The following TDRD1 variants were observed in gnomAD, a reference collection of about 807,000 sequenced individuals.
TDRD1 encodes tudor domain-containing protein 1.
In TDRD1, 37 loss-of-function variants were observed where a neutral mutation model predicts 140.6. That is an observed-to-expected ratio of 0.26 (90% confidence interval 0.20 to 0.35). TDRD1 has a LOEUF of 0.35. TDRD1 is among the 10% of genes least tolerant of loss of function. The pLI is 1.00. For missense variants in TDRD1, 1,243 were observed against 1,393.0 expected (o/e 0.89, Z 1.71); for synonymous variants, 506 against 475.7 (o/e 1.06, Z -0.83).
At chr10:114,212,003 T>A (rs1376714099) in exon 14 of TDRD1, 2 of 1,611,388 alleles carry the variant, frequency 1.2e-6, no homozygotes, top group Admixed American at 3.4e-5. Flanking sequence ...GTTGTTGGAA[T>A]TGCCAATGCA....
At chr10:114,210,241 C>T (rs2035394210) in intron 11 of TDRD1, among the ~76,000 whole-genome samples, 1 of 152,168 alleles carries the variant, frequency 6.6e-6, no homozygotes, top group Admixed American at 6.5e-5. Context: ...TGTGTTTCTA[C>T]TTGAGTATAA....
chr10:114,220,839 T>C (rs773409921), exon 19 of TDRD1: 1 of 1,603,498 alleles, frequency 6.2e-7, no homozygotes, highest in Non-Finnish European at 8.5e-7. Flanking sequence ...TACAGGGACT[T>C]CAAGGTAACA....
chr10:114,204,739 A>G (rs371846463), exon 10 of TDRD1: 76 of 1,591,166 alleles, frequency 4.8e-5, no homozygotes, highest in Non-Finnish European at 6.1e-5. Context: ...AGTGCTTTGT[A>G]GCCAATGTTA....
chr10:114,197,542 A>T (rs1428413114), intron 3 of TDRD1, among the ~76,000 whole-genome samples: 1 of 148,554 alleles, frequency 6.7e-6, no homozygotes, highest in African/African-American at 2.5e-5. Context: ...TGTCATCTTG[A>T]TGTTGGGCGC....
chr10:114,229,817 A>ATT (rs200409289), intron 25 of TDRD1, among the ~76,000 whole-genome samples: 281 of 126,226 alleles, frequency 2.2e-3, no homozygotes, highest in Middle Eastern at 9.4e-3. Context: ...ATATATATAT[A>ATT]TTTTTTTTTT....
intron 14 of TDRD1, 50 bp from the exon 15 acceptor site, chr10:114,213,296 T>G: frequency 6.4e-7 from 1 of 1,560,830 alleles, no homozygotes. Flanking sequence ...GAGCTAAATT[T>G]CTAAATGCTT....
chr10:114,231,615 C>T, exon 26 of TDRD1: 1 of 979,530 alleles, frequency 1.0e-6, no homozygotes, highest in South Asian at 1.8e-5. Context: ...TCTGTAATGA[C>T]CTTCTATCCC....
rs145938577 is a variant in TDRD1 at position 114,207,152 on chromosome 10, T to C, written c.1384+822T>C. On this transcript the variant is annotated intron_variant, in intron 11 of 25. Transcript: ENST00000251864. ...AATCACCTGTGTTTGTATTATCTTT[T>C]TGATCCTTTACTTTGCTCCTGTACT... is the stretch of plus-strand genomic sequence containing the variant. Among the ~76,000 whole-genome samples, 551 of 152,358 alleles carry C rather than the reference T, an allele frequency of 3.6e-3. 6 individuals carry two copies. The highest frequency in any genetic ancestry group is 0.012 in the African/African-American group (513 of 41,584).
rs765281230 is a variant in TDRD1 at position 114,221,348 on chromosome 10, T to C, written c.2771-9T>C. ...TTCCGTGTGAGACCTGTGTTTTGTA[T>C]GTTTCCAGCTACCTCTTCAGCTGAG... On this transcript the variant is annotated splice_polypyrimidine_tract_variant and intron_variant, in intron 19 of 25. Coordinates refer to ENST00000251864, the Ensembl canonical transcript of TDRD1. The C allele has an allele frequency of 3.7e-6, 6 of 1,612,548 alleles. No individual in the cohort carries two copies. In the East Asian group the frequency reaches 6.7e-5, roughly 18 times the overall value.
At chr10:114,207,349 T>C (rs1339478614) in intron 11 of TDRD1, among the ~76,000 whole-genome samples, 1 of 152,228 alleles carries the variant, frequency 6.6e-6, no homozygotes, top group Non-Finnish European at 1.5e-5. Flanking sequence ...GCCAAGTCTT[T>C]ATTGATTCTT....
intron 3 of TDRD1, among the ~76,000 whole-genome samples, chr10:114,196,764 C>T (rs2034379488): frequency 1.4e-5 from 2 of 145,634 alleles, no homozygotes; most frequent in Non-Finnish European, 3.0e-5. Flanking sequence ...TCAGTTTACT[C>T]TGGGGCTCAC....
chr10:114,189,104 T>TC (rs1756381623), intron 2 of TDRD1, among the ~76,000 whole-genome samples: 1 of 152,220 alleles, frequency 6.6e-6, no homozygotes, highest in Non-Finnish European at 1.5e-5. Context: ...TTAGCTCAGC[T>TC]TAAGGCAGGA....
At chr10:114,229,102 A>AAAC (rs2036606523) in intron 25 of TDRD1, among the ~76,000 whole-genome samples, 1 of 332 alleles carries the variant, frequency 3.0e-3, no homozygotes, top group Non-Finnish European at 9.6e-3. Flanking sequence ...AAAACAAAAC[A>AAAC]AAAAAAAAAA....
intron 2 of TDRD1, among the ~76,000 whole-genome samples, chr10:114,188,585 G>A (rs975752242): frequency 6.6e-6 from 1 of 152,142 alleles, no homozygotes; most frequent in African/African-American, 2.4e-5. Context: ...TTGGCTGGGT[G>A]AGGTGGCTCA....
At chr10:114,188,793 G>C (rs1308805705) in intron 2 of TDRD1, among the ~76,000 whole-genome samples, 1 of 151,096 alleles carries the variant, frequency 6.6e-6, no homozygotes, top group Non-Finnish European at 1.5e-5. Flanking sequence ...GGAGGCAGAG[G>C]TTGCGGTGAG....
exon 22 of TDRD1, chr10:114,226,110 C>G: frequency 6.2e-7 from 1 of 1,613,774 alleles, no homozygotes; most frequent in Non-Finnish European, 8.5e-7. Flanking sequence ...TGGAAGTGCT[C>G]TATGCAGACT....
In TDRD1 at chr10:114,192,424, C is replaced by T. The variant is rs539633204; in HGVS notation, c.384+1405C>T. 1.7e-3 allele frequency among the ~76,000 whole-genome samples: 254 copies of T among 150,858 alleles called. 1 individual carries two copies. Among genetic ancestry groups the T allele is most frequent in the Non-Finnish European group, 2.8e-3 (187 of 67,778 alleles). Reference sequence around the variant, plus strand: ...GTTTACGCCATTTCTCCTGCCTCAGCCTCCCGAGTAGCTGGGACTACAGGT... The same window carrying T: ...GTTTACGCCATTTCTCCTGCCTCAGTCTCCCGAGTAGCTGGGACTACAGGT... On this transcript the variant is annotated intron_variant, in intron 3 of 25. Coordinates refer to ENST00000251864, the Ensembl canonical transcript of TDRD1.
chr10:114,177,770 T>C (rs921974089), upstream of TDRD1, among the ~76,000 whole-genome samples: 5 of 152,098 alleles, frequency 3.3e-5, no homozygotes, highest in Admixed American at 1.3e-4. Context: ...ATGCTAATAA[T>C]AGGGGAAACG....
intron 4 of TDRD1, among the ~76,000 whole-genome samples, chr10:114,199,939 C>A (rs1231412419): frequency 6.6e-6 from 1 of 152,154 alleles, no homozygotes; most frequent in Non-Finnish European, 1.5e-5. Flanking sequence ...TTCGTGTGGA[C>A]ATATGTTTTC....
Sources: allele counts gnomAD v4.1 joint callset (sites outside exome capture counted in the v4.1 genomes callset), GRCh38; gene constraint gnomAD v4.1.1; transcripts MANE v1.5; gene names NCBI Gene and HGNC (gene_info 2026-07-23, HGNC 2026-07-21).